The following DIP2A variants were observed in gnomAD, a reference collection of about 807,000 sequenced individuals.
The protein encoded by DIP2A is DIP2 acetate--CoA ligase A.
A neutral mutation model predicts 177.4 loss-of-function variants in DIP2A; 85 were observed. The observed-to-expected ratio is 0.48, with a 90% CI of 0.40 to 0.57. The LOEUF (loss-of-function observed/expected upper bound fraction) is 0.57. DIP2A is among the 20% of genes least tolerant of loss of function. DIP2A has a pLI of 0.00. For missense variants in DIP2A, 1,791 were observed against 2,100.2 expected (o/e 0.85, Z 2.88); for synonymous variants, 886 against 881.8 (o/e 1.00, Z -0.08).
intron 6 of DIP2A, among the ~76,000 whole-genome samples, chr21:46,505,937 G>T (rs918120289): frequency 6.6e-5 from 10 of 152,116 alleles, no homozygotes; most frequent in Admixed American, 3.9e-4. Flanking sequence ...TCATTAAATG[G>T]ATGCACCACA....
At chr21:46,525,715 A>G (rs1487173400) in intron 8 of DIP2A, 1 of 152,072 alleles carries the variant, frequency 6.6e-6, no homozygotes, top group East Asian at 1.9e-4. Context: ...GAAATGTTCC[A>G]TATTTAAAAA....
In DIP2A at chr21:46,538,398, G is replaced by A; in HGVS notation, c.1802-85G>A. The A allele has an allele frequency of 2.0e-6, 3 of 1,486,184 alleles. No individual in the cohort carries two copies. In the South Asian group the frequency reaches 3.9e-5, roughly 20 times the overall value. 92.1% of individuals were successfully genotyped at this position (1,486,184 alleles called of 1,614,324 possible). ...TCTGTCTGTGCATGTACACCTCTCT[G>A]TGGGATGAGGTACACGTGTCTGTAG... On this transcript the variant is annotated intron_variant, in intron 15 of 37. Transcript: ENST00000417564.
intron 8 of DIP2A, among the ~76,000 whole-genome samples, chr21:46,519,140 T>G (rs1270755937): frequency 6.6e-6 from 1 of 152,196 alleles, no homozygotes; most frequent in Non-Finnish European, 1.5e-5. Flanking sequence ...TGGGAGTGTC[T>G]TTTAGCATGC....
chr21:46,496,493 C>T (rs1171807339), intron 3 of DIP2A, among the ~76,000 whole-genome samples: 2 of 152,242 alleles, frequency 1.3e-5, no homozygotes, highest in East Asian at 3.9e-4. Context: ...TTTTGGCTAC[C>T]TTGGGCCACG....
At chr21:46,551,270 T>G (rs2060263118) in intron 23 of DIP2A, among the ~76,000 whole-genome samples, 3 of 152,246 alleles carry the variant, frequency 2.0e-5, no homozygotes. Flanking sequence ...AGTTTTTTTT[T>G]ATTAATTATT....
At chr21:46,511,382 A>G in intron 7 of DIP2A, 35 bp from the exon 8 acceptor site, 1 of 1,565,788 alleles carries the variant, frequency 6.4e-7, no homozygotes. Flanking sequence ...TGGTGCTCTG[A>G]ATTGCTGATT....
At chr21:46,561,947 G>GT in intron 34 of DIP2A, 142 bp downstream of exon 34, 1 of 1,471,882 alleles carries the variant, frequency 6.8e-7, no homozygotes, top group East Asian at 2.4e-5. Context: ...TGCTGCAGAA[G>GT]TCTCCTTCCC....
intron 3 of DIP2A, among the ~76,000 whole-genome samples, chr21:46,494,280 A>C (rs1190614755): frequency 6.6e-6 from 1 of 152,084 alleles, no homozygotes; most frequent in African/African-American, 2.4e-5. Flanking sequence ...GGAGAAGCTG[A>C]GCTGTGTTTG....
intron 13 of DIP2A, among the ~76,000 whole-genome samples, chr21:46,534,893 C>T (rs891992013): frequency 2.6e-5 from 4 of 152,294 alleles, no homozygotes; most frequent in South Asian, 2.1e-4. Flanking sequence ...AGAGGGCACA[C>T]GGTGTCTCTT....
intron 9 of DIP2A, 74 bp downstream of exon 9, chr21:46,529,257 G>A: frequency 2.1e-6 from 2 of 947,750 alleles, no homozygotes; most frequent in Non-Finnish European, 3.2e-6. Flanking sequence ...ATTGAAATTA[G>A]TGTTCTATCA....
chr21:46,523,610 C>CCAATATTTCTGACTTTGGAACTTTAT (rs2058931111), intron 8 of DIP2A, among the ~76,000 whole-genome samples: 1 of 109,280 alleles, frequency 9.2e-6, no homozygotes, highest in Non-Finnish European at 2.1e-5. Flanking sequence ...GGCCTTACGG[C>CCAATATTTCTGACTTTGGAACTTTAT]CAAAGGTAAC....
chr21:46,551,785 C>T (rs1569097106), intron 24 of DIP2A, 39 bp from the exon 25 acceptor site: 2 of 1,613,006 alleles, frequency 1.2e-6, no homozygotes, highest in Non-Finnish European at 8.5e-7. Context: ...GGTGTCTGTG[C>T]CCCGGAGGCG....
At chr21:46,514,631 T>TTG (rs1569013806) in intron 8 of DIP2A, among the ~76,000 whole-genome samples, 1 of 140,480 alleles carries the variant, frequency 7.1e-6, no homozygotes, top group Non-Finnish European at 1.5e-5. Context: ...TTTTTTTTTT[T>TTG]TTTTTTTTTG....
intron 8 of DIP2A, among the ~76,000 whole-genome samples, chr21:46,523,753 C>T (rs1484591226): frequency 6.6e-6 from 1 of 152,180 alleles, no homozygotes; most frequent in Non-Finnish European, 1.5e-5. Context: ...ACCTTTAGAG[C>T]TAACTATGAT....
intron 19 of DIP2A, among the ~76,000 whole-genome samples, 175 bp from the exon 20 acceptor site, chr21:46,545,705 GC>G (rs899529571): frequency 3.3e-5 from 5 of 152,248 alleles, no homozygotes; most frequent in Middle Eastern, 3.2e-3. Flanking sequence ...CAGGAGGCCT[GC>G]CCAGGAGATT....
chr21:46,564,828 C>T (rs1386255308), intron 35 of DIP2A, among the ~76,000 whole-genome samples: 2 of 152,216 alleles, frequency 1.3e-5, no homozygotes, highest in African/African-American at 2.4e-5. Flanking sequence ...TCCTGGGTCC[C>T]AACCCTGAGT....
At chr21:46,562,778 G>A (rs1487911844) in intron 34 of DIP2A, among the ~76,000 whole-genome samples, 2 of 152,204 alleles carry the variant, frequency 1.3e-5, no homozygotes, top group South Asian at 2.1e-4. Context: ...TAGACCAGCC[G>A]AGAGTGGAGT....
At chr21:46,476,313 G>A (rs923916429) in intron 1 of DIP2A, among the ~76,000 whole-genome samples, 1 of 152,082 alleles carries the variant, frequency 6.6e-6, no homozygotes, top group Non-Finnish European at 1.5e-5. Context: ...ACTGCCGTGT[G>A]GTATTATCTT....
intron 32 of DIP2A, among the ~76,000 whole-genome samples, chr21:46,559,601 G>A (rs188575673): frequency 2.0e-5 from 3 of 152,370 alleles, no homozygotes; most frequent in Admixed American, 6.5e-5. Flanking sequence ...CTTTGTGTTA[G>A]CGGCTCTGCG....
Sources: gnomAD v4.1 joint callset for allele counts (sites outside exome capture counted in the v4.1 genomes callset) on GRCh38, gnomAD v4.1.1 for gene constraint, MANE v1.5 for transcripts, NCBI Gene and HGNC (gene_info 2026-07-23, HGNC 2026-07-21) for gene names.